Variants in RIPOR2 observed in about 807,000 individuals in gnomAD.
The protein encoded by RIPOR2 is RHO family interacting cell polarization regulator 2.
Under a neutral mutation model 114.5 loss-of-function variants are expected in RIPOR2, and 39 were observed. The ratio of observed to expected loss-of-function variants is 0.34; its 90% CI spans 0.26 to 0.44. The LOEUF (loss-of-function observed/expected upper bound fraction) is 0.44, where lower values mean the gene tolerates loss of function less well. Among genes scored for constraint, RIPOR2 ranks in the 20% least tolerant of loss-of-function variants. The pLI is 1.00. For missense variants in RIPOR2, 1,007 were observed against 1,255.1 expected, an observed-to-expected ratio of 0.80 and a Z score of 2.99; for synonymous variants, 445 against 484.4, an observed-to-expected ratio of 0.92 and a Z score of 1.07.
chr6:25,007,772 G>C (rs1308597186), intron 1 of RIPOR2, among the ~76,000 whole-genome samples: 1 of 151,380 alleles, frequency 6.6e-6, no homozygotes, highest in Non-Finnish European at 1.5e-5. Context: ...CCATGCCCAG[G>C]CTTTTCTCCC....
chr6:24,877,324 G>C (rs1337485565), intron 1 of RIPOR2: 17 of 985,286 alleles, frequency 1.7e-5, no homozygotes, highest in Non-Finnish European at 2.0e-5. Context: ...CTCCAGGAGA[G>C]AGCAGCCCTG....
intron 9 of RIPOR2, among the ~76,000 whole-genome samples, chr6:24,852,352 T>C (rs371931407): frequency 6.6e-6 from 1 of 152,058 alleles, no homozygotes; most frequent in East Asian, 1.9e-4. Flanking sequence ...ATGATGATGA[T>C]GACAGAGCAA....
At chr6:24,828,419 G>C (rs529794380) in intron 17 of RIPOR2, 124 bp from the exon 18 acceptor site, 1 of 835,358 alleles carries the variant, frequency 1.2e-6, no homozygotes, top group African/African-American at 1.8e-5. Flanking sequence ...GCCCAGGTTG[G>C]TCTCAAACTC....
At chr6:24,862,240 C>A (rs577413162) in intron 7 of RIPOR2, among the ~76,000 whole-genome samples, 1 of 152,358 alleles carries the variant, frequency 6.6e-6, no homozygotes, top group South Asian at 2.1e-4. Flanking sequence ...AATCTGGATG[C>A]TGCCTCTGCT....
chr6:24,937,770 A>G (rs1771897227), upstream of RIPOR2, among the ~76,000 whole-genome samples: 1 of 152,154 alleles, frequency 6.6e-6, no homozygotes, highest in Non-Finnish European at 1.5e-5. Flanking sequence ...CTTGAAAAAC[A>G]TTCCTAAGAT....
chr6:24,842,831 C>T, intron 13 of RIPOR2, 31 bp downstream of exon 13: 1 of 1,353,516 alleles, frequency 7.4e-7, no homozygotes, highest in Non-Finnish European at 9.8e-7. Flanking sequence ...TCTCTCCAAA[C>T]CTAATCCAAT....
At chr6:24,927,640 C>T (rs992808891) in intron 1 of RIPOR2, among the ~76,000 whole-genome samples, 14 of 151,584 alleles carry the variant, frequency 9.2e-5, no homozygotes, top group African/African-American at 2.4e-4. Context: ...CAACCACTAC[C>T]GCCACCACCA....
At chr6:24,997,223 T>C (rs1375810669) in intron 1 of RIPOR2, among the ~76,000 whole-genome samples, 1 of 152,158 alleles carries the variant, frequency 6.6e-6, no homozygotes, top group Non-Finnish European at 1.5e-5. Context: ...CCCAGGTGAT[T>C]CTAATATACA....
rs1400122752 is a variant in RIPOR2, at chr6:24,927,169, A to G, written c.61+8669T>C. 2.7e-4 allele frequency among the ~76,000 whole-genome samples: 7 copies of G among 26,262 alleles called. 2 individuals are homozygous for G. In the South Asian group the frequency reaches 4.8e-3, roughly 18 times the overall value. The allele number at this position is 26,262 out of a possible 152,430, so 17.2% of individuals were successfully genotyped here. A position where few individuals can be genotyped will look rare whatever the true frequency, so the allele number is the denominator to read the frequency against. ...CACCACCACCACCACCACAACTACA[A>G]TCACCACCACCATGACCACCACCAC... On this transcript the variant is annotated intron_variant, in intron 1 of 21. Transcript: ENST00000643898.
At chr6:24,982,046 C>A (rs1277618935) in intron 1 of RIPOR2, among the ~76,000 whole-genome samples, 1 of 152,168 alleles carries the variant, frequency 6.6e-6, no homozygotes, top group Middle Eastern at 3.2e-3. Context: ...AAAAATGACC[C>A]TAATCCAAGG....
intron 7 of RIPOR2, 26 bp downstream of exon 7, chr6:24,865,274 CA>C: frequency 6.4e-7 from 1 of 1,570,116 alleles, no homozygotes; most frequent in Non-Finnish European, 8.7e-7. Context: ...TGGGATTCGG[CA>C]ACTTAAGCAG....
chr6:24,806,004 C>A lies in RIPOR2; in HGVS notation c.*369G>T, dbSNP rs779507581. Reference sequence around the variant, plus strand: ...TTGCTCTGTCACCCAGTCTGGAGTGCAGTGGGGCAATTATGGCTCACTGCA... The same window carrying A: ...TTGCTCTGTCACCCAGTCTGGAGTGAAGTGGGGCAATTATGGCTCACTGCA... On this transcript the variant is annotated 3_prime_UTR_variant, in exon 22 of 22. Transcript: ENST00000643898. 1 of 194,056 alleles carries A rather than the reference C, an allele frequency of 5.2e-6. No homozygotes were observed. The highest frequency in any genetic ancestry group is 1.0e-5 in the Non-Finnish European group (1 of 95,574). 12.0% of individuals were successfully genotyped at this position (194,056 alleles called of 1,614,324 possible).
intron 17 of RIPOR2, among the ~76,000 whole-genome samples, chr6:24,829,373 G>C (rs1249145498): frequency 6.6e-6 from 1 of 152,004 alleles, no homozygotes; most frequent in Non-Finnish European, 1.5e-5. Context: ...GCTCACAACT[G>C]TAATTCCGGC....
intron 1 of RIPOR2, among the ~76,000 whole-genome samples, chr6:24,955,936 G>A (rs996216606): frequency 3.3e-5 from 5 of 151,626 alleles, no homozygotes; most frequent in Admixed American, 6.6e-5. Context: ...TTGAACCTGG[G>A]AGGCGGAGGT....
At chr6:24,884,072 A>G (rs1019195056) in intron 1 of RIPOR2, among the ~76,000 whole-genome samples, 1 of 152,240 alleles carries the variant, frequency 6.6e-6, no homozygotes, top group Non-Finnish European at 1.5e-5. Context: ...AAAAGTAAAT[A>G]TATTTATGTC....
intron 1 of RIPOR2, among the ~76,000 whole-genome samples, chr6:24,889,548 T>C (rs1466348453): frequency 6.6e-6 from 1 of 152,206 alleles, no homozygotes. Flanking sequence ...AGAGATAATG[T>C]GTTGGAGTGA....
chr6:24,847,905 G>A (rs1036393967), intron 12 of RIPOR2, 120 bp downstream of exon 12: 47 of 1,352,550 alleles, frequency 3.5e-5, no homozygotes, highest in Non-Finnish European at 4.7e-5. Context: ...AAACAGAGGA[G>A]GCTCACCACC....
At chr6:24,944,958 A>G (rs921206156) in intron 1 of RIPOR2, among the ~76,000 whole-genome samples, 9 of 152,188 alleles carry the variant, frequency 5.9e-5, no homozygotes, top group Non-Finnish European at 8.8e-5. Context: ...ACAGTAGGGA[A>G]ATTATAGTTG....
At position 24,855,088 on chromosome 6, in the gene RIPOR2, T is replaced by C. The variant is rs139987618; in HGVS notation, c.716-2470A>G. Among the ~76,000 whole-genome samples, 92 of 142,344 alleles carry C rather than the reference T, an allele frequency of 6.5e-4. No homozygotes were observed. The East Asian group carries it at 7.7e-3, about 12-fold the overall frequency. 93.4% of individuals were successfully genotyped at this position (142,344 alleles called of 152,430 possible). A position where few individuals can be genotyped will look rare whatever the true frequency, so the allele number is the denominator to read the frequency against. Reference sequence around the variant, plus strand: ...TACATAGAGTATAACCTCAGCCATATATAAATGGATCCCCAGGGAAAAAAG... The same window carrying C: ...TACATAGAGTATAACCTCAGCCATACATAAATGGATCCCCAGGGAAAAAAG... On this transcript the variant is annotated intron_variant, in intron 8 of 21. Transcript: ENST00000643898.
Sources: allele counts gnomAD v4.1 joint callset (sites outside exome capture counted in the v4.1 genomes callset), GRCh38; gene constraint gnomAD v4.1.1; transcripts MANE v1.5; gene names NCBI Gene and HGNC (gene_info 2026-07-23, HGNC 2026-07-21).